Variants in CAPSL observed in about 807,000 individuals in gnomAD.
CAPSL encodes the protein calcyphosine like.
In CAPSL, 17 loss-of-function variants were observed where a neutral mutation model predicts 21.3. The observed-to-expected ratio is 0.80, with a 90% CI of 0.55 to 1.20. CAPSL has a LOEUF of 1.20. CAPSL is among the 50% of genes most tolerant of loss of function. CAPSL has a pLI of 0.00. For missense variants in CAPSL, 289 were observed against 259.3 expected, an observed-to-expected ratio of 1.11 and a Z score of -0.79; for synonymous variants, 102 against 89.3, an observed-to-expected ratio of 1.14 and a Z score of -0.80.
chr5:35,919,170 A>AAAAAAATATATATAT (rs754098152), intron 2 of CAPSL, among the ~76,000 whole-genome samples: 26 of 121,266 alleles, frequency 2.1e-4, no homozygotes, highest in Non-Finnish European at 2.5e-4. Context: ...TAAAAAAAAA[A>AAAAAAATATATATAT]ATATATATAT....
intron 2 of CAPSL, among the ~76,000 whole-genome samples, chr5:35,914,697 C>T (rs1348611293): frequency 2.0e-5 from 3 of 151,988 alleles, no homozygotes; most frequent in Non-Finnish European, 4.4e-5. Context: ...ATCTCTGGGA[C>T]ACATTCAAAG....
intron 1 of CAPSL, among the ~76,000 whole-genome samples, chr5:35,925,225 T>A (rs1187786816): frequency 1.3e-5 from 2 of 152,176 alleles, no homozygotes; most frequent in Non-Finnish European, 1.5e-5. Flanking sequence ...AGACAACGCT[T>A]ACAGCCTGGG....
chr5:35,929,219 A>G (rs1057021564), intron 1 of CAPSL, among the ~76,000 whole-genome samples: 1 of 151,396 alleles, frequency 6.6e-6, no homozygotes, highest in Non-Finnish European at 1.5e-5. Context: ...TGAAGAACCC[A>G]GGTTACTTGT....
intron 4 of CAPSL, among the ~76,000 whole-genome samples, chr5:35,905,048 GT>G (rs1009297085): frequency 6.6e-6 from 1 of 152,166 alleles, no homozygotes; most frequent in Non-Finnish European, 1.5e-5. Flanking sequence ...GGTAAGTGAT[GT>G]TTTCCCTTTC....
chr5:35,909,803 C>T (rs1224652566), intron 4 of CAPSL, 63 bp downstream of exon 4: 1 of 1,320,398 alleles, frequency 7.6e-7, no homozygotes, highest in Non-Finnish European at 1.1e-6. Flanking sequence ...AGAGTTTGGA[C>T]CTATTTCCCA....
intron 2 of CAPSL, among the ~76,000 whole-genome samples, chr5:35,916,532 C>G (rs1738391147): frequency 6.6e-6 from 1 of 152,090 alleles, no homozygotes; most frequent in Non-Finnish European, 1.5e-5. Context: ...ACCAATGGAA[C>G]AGAACAGAGC....
At chr5:35,909,654 C>T (rs574263179) in intron 4 of CAPSL, among the ~76,000 whole-genome samples, 8 of 152,224 alleles carry the variant, frequency 5.3e-5, no homozygotes, top group South Asian at 2.1e-4. Flanking sequence ...TGAGTGTGTG[C>T]GTGCACAAAC....
At chr5:35,917,742 G>A (rs1738430403) in intron 2 of CAPSL, among the ~76,000 whole-genome samples, 1 of 152,176 alleles carries the variant, frequency 6.6e-6, no homozygotes, top group African/African-American at 2.4e-5. Context: ...GGAAGTGATA[G>A]CATTAGAAGA....
chr5:35,920,865 T>C (rs917285028), intron 2 of CAPSL, 119 bp downstream of exon 2: 2 of 1,023,110 alleles, frequency 2.0e-6, no homozygotes, highest in African/African-American at 1.6e-5. Context: ...ATTTTACAAA[T>C]AAGGAACTGA....
At chr5:35,925,038 T>G (rs570654946) in intron 1 of CAPSL, among the ~76,000 whole-genome samples, 18 of 152,244 alleles carry the variant, frequency 1.2e-4, no homozygotes, top group Non-Finnish European at 2.6e-4. Context: ...CGCATCCCTG[T>G]GCAAGGCGAA....
At chr5:35,935,640 G>T (rs967795183) in intron 1 of CAPSL, among the ~76,000 whole-genome samples, 18 of 152,028 alleles carry the variant, frequency 1.2e-4, no homozygotes, top group African/African-American at 3.9e-4. Flanking sequence ...CAGACTGAAA[G>T]TTCAAAATTC....
chr5:35,928,987 G>A (rs968697589), intron 1 of CAPSL, among the ~76,000 whole-genome samples: 2 of 152,130 alleles, frequency 1.3e-5, no homozygotes, highest in East Asian at 3.9e-4. Flanking sequence ...GAGAACATAA[G>A]CTACGGGAAA....
At chr5:35,918,990 T>G (rs1348410045) in intron 2 of CAPSL, among the ~76,000 whole-genome samples, 1 of 151,786 alleles carries the variant, frequency 6.6e-6, no homozygotes, top group Non-Finnish European at 1.5e-5. Context: ...ATTCTAAAGT[T>G]TTCAACCCAA....
chr5:35,934,467 G>T (rs1459215254), intron 1 of CAPSL, among the ~76,000 whole-genome samples: 1 of 152,210 alleles, frequency 6.6e-6, no homozygotes. Flanking sequence ...GCTACAAGAG[G>T]TCGACCTCCA....
At chr5:35,936,411 C>T (rs1237443801) in intron 1 of CAPSL, among the ~76,000 whole-genome samples, 2 of 152,138 alleles carry the variant, frequency 1.3e-5, no homozygotes, top group Non-Finnish European at 2.9e-5. Flanking sequence ...TAGCTATCAC[C>T]CCTCAAAGTC....
intron 3 of CAPSL, 39 bp from the exon 4 acceptor site, chr5:35,910,114 G>A (rs200956929): frequency 2.0e-6 from 3 of 1,512,888 alleles, no homozygotes; most frequent in East Asian, 4.5e-5. Flanking sequence ...ACATACATAA[G>A]CAAATGAGCT....
At chr5:35,908,946 A>G (rs1476511605) in intron 4 of CAPSL, among the ~76,000 whole-genome samples, 1 of 152,150 alleles carries the variant, frequency 6.6e-6, no homozygotes, top group African/African-American at 2.4e-5. Context: ...CCACTGGGCC[A>G]CTTATCTTTT....
chr5:35,925,540 A>G (rs1289770364), intron 1 of CAPSL, among the ~76,000 whole-genome samples: 2 of 152,014 alleles, frequency 1.3e-5, no homozygotes, highest in African/African-American at 2.4e-5. Context: ...GGAAGTAGGG[A>G]AAGGGGAATT....
intron 2 of CAPSL, among the ~76,000 whole-genome samples, chr5:35,912,374 G>C (rs1204675819): frequency 6.6e-6 from 1 of 152,206 alleles, no homozygotes; most frequent in Non-Finnish European, 1.5e-5. Flanking sequence ...GGTTCTCCCA[G>C]CATGCAGCTT....
Sources: gnomAD v4.1 joint callset for allele counts (sites outside exome capture counted in the v4.1 genomes callset) on GRCh38, gnomAD v4.1.1 for gene constraint, MANE v1.5 for transcripts, NCBI Gene and HGNC (gene_info 2026-07-23, HGNC 2026-07-21) for gene names.